AIM2: variants seen among roughly 807,000 people sequenced by gnomAD.
AIM2 encodes the protein absent in melanoma 2.
Under a neutral mutation model 27.7 loss-of-function variants are expected in AIM2, and 30 were observed. The observed-to-expected ratio is 1.08, with a 90% CI of 0.81 to 1.47. The LOEUF is 1.47. Among genes scored for constraint, AIM2 ranks in the 40% most tolerant of loss-of-function variants. The pLI is 0.00. For missense variants in AIM2, 358 were observed against 411.3 expected (o/e 0.87, Z 1.12); for synonymous variants, 141 against 145.3 (o/e 0.97, Z 0.21).
At chr1:159,119,077 A>T (rs1481598899) in intron 1 of AIM2, among the ~76,000 whole-genome samples, 1 of 152,068 alleles carries the variant, frequency 6.6e-6, no homozygotes, top group African/African-American at 2.4e-5. Context: ...GCTCCTTGGG[A>T]TCCGCTCCTC....
chr1:159,092,378 A>G (rs1400346020), intron 1 of AIM2, among the ~76,000 whole-genome samples: 3 of 152,234 alleles, frequency 2.0e-5, no homozygotes, highest in Admixed American at 1.3e-4. Flanking sequence ...AGCCCTAACT[A>G]TGAATAAGTT....
At position 159,068,572 on chromosome 1, in the gene AIM2, A is replaced by C. The variant is rs1226494964; in HGVS notation, c.392T>G (p.Val131Gly). The C allele has an allele frequency of 9.9e-6, 16 of 1,611,570 alleles. 1 individual carries two copies. The South Asian group carries it at 1.7e-4, about 17-fold the overall frequency. The change falls in exon 3 of 6, where the codon GTT becomes GGT. Residue 131 changes from valine (V) to glycine (G), a missense_variant. Coordinates refer to ENST00000368130, the MANE Select transcript of AIM2 (RefSeq NM_004833.3). ...QRAAPKVSPH[V>G]KPEQKQMVAQ... Reference sequence around the variant, plus strand: ...ACTCCACTCTCCTTATCCTACCTTAACATGAGGAGAGACTTTTGGTGCAGC... The same window carrying C: ...ACTCCACTCTCCTTATCCTACCTTACCATGAGGAGAGACTTTTGGTGCAGC...
At chr1:159,108,917 T>C (rs1276111230) in intron 1 of AIM2, among the ~76,000 whole-genome samples, 1 of 152,046 alleles carries the variant, frequency 6.6e-6, no homozygotes, top group Non-Finnish European at 1.5e-5. Context: ...TGGAAACACA[T>C]CCCATGCTCA....
downstream of AIM2, among the ~76,000 whole-genome samples, chr1:159,060,565 T>G (rs116780643): frequency 2.4e-3 from 364 of 152,326 alleles, no homozygotes; most frequent in African/African-American, 8.0e-3. Flanking sequence ...CCGGCCTTCC[T>G]CTCAACTCCA....
chr1:159,078,149 G>A (rs943295459), upstream of AIM2, among the ~76,000 whole-genome samples: 4 of 152,120 alleles, frequency 2.6e-5, no homozygotes, highest in African/African-American at 9.7e-5. Flanking sequence ...TGACCAGCAT[G>A]TTCTCTACCT....
intron 1 of AIM2, among the ~76,000 whole-genome samples, chr1:159,109,447 A>C (rs1444613244): frequency 6.6e-6 from 1 of 152,262 alleles, no homozygotes; most frequent in Non-Finnish European, 1.5e-5. Flanking sequence ...ACCTGAAACT[A>C]TAAAAATTCT....
chr1:159,065,203 G>C (rs1479688182), intron 4 of AIM2, among the ~76,000 whole-genome samples: 5 of 152,142 alleles, frequency 3.3e-5, no homozygotes, highest in Non-Finnish European at 5.9e-5. Flanking sequence ...CACAAGGCTA[G>C]TTCCCTGAGG....
chr1:159,074,616 AAAT>A (rs1424466665), intron 1 of AIM2, among the ~76,000 whole-genome samples: 1 of 152,172 alleles, frequency 6.6e-6, no homozygotes, highest in Non-Finnish European at 1.5e-5. Flanking sequence ...AAAACATTAT[AAAT>A]AATAATTCAA....
chr1:159,073,869 T>G (rs1266475893), intron 1 of AIM2, among the ~76,000 whole-genome samples: 1 of 152,086 alleles, frequency 6.6e-6, no homozygotes, highest in Non-Finnish European at 1.5e-5. Flanking sequence ...CAAAACCCCA[T>G]CTCTACTAAA....
At chr1:159,062,229 T>A (rs983396203), downstream of AIM2, among the ~76,000 whole-genome samples, 7 of 152,212 alleles carry the variant, frequency 4.6e-5, no homozygotes, top group South Asian at 4.1e-4. Context: ...TTTAAAATAT[T>A]TCTAAATCAT....
At chr1:159,061,689 G>A (rs1037122532), downstream of AIM2, among the ~76,000 whole-genome samples, 1 of 151,090 alleles carries the variant, frequency 6.6e-6, no homozygotes, top group African/African-American at 2.4e-5. Context: ...ACAGGTGTGA[G>A]CCACCGTGCC....
chr1:159,141,660 C>T (rs896449307), upstream of AIM2, among the ~76,000 whole-genome samples: 1 of 152,082 alleles, frequency 6.6e-6, no homozygotes, highest in Non-Finnish European at 1.5e-5. Context: ...AAGTCCAGCG[C>T]GCTCGTCCAT....
chr1:159,127,548 G>A (rs1052504473), intron 1 of AIM2, among the ~76,000 whole-genome samples: 2 of 152,238 alleles, frequency 1.3e-5, no homozygotes, highest in Non-Finnish European at 2.9e-5. Flanking sequence ...ACTTTGGGAA[G>A]CAAGAAAGAA....
intron 1 of AIM2, among the ~76,000 whole-genome samples, chr1:159,121,917 C>T (rs1471473376): frequency 6.6e-6 from 1 of 152,108 alleles, no homozygotes; most frequent in Non-Finnish European, 1.5e-5. Context: ...CTTGGTTATT[C>T]CCATGCAGTC....
chr1:159,065,537 C>T (rs1656045165), intron 4 of AIM2, among the ~76,000 whole-genome samples: 1 of 152,178 alleles, frequency 6.6e-6, no homozygotes, highest in Non-Finnish European at 1.5e-5. Context: ...TATTACTCAA[C>T]TACACTTACT....
intron 1 of AIM2, among the ~76,000 whole-genome samples, chr1:159,128,005 T>A (rs1647767406): frequency 6.6e-6 from 1 of 152,172 alleles, no homozygotes; most frequent in Admixed American, 6.6e-5. Context: ...AACAAACTCA[T>A]TACAAACTGC....
chr1:159,113,369 A>T (rs960230088), intron 1 of AIM2, among the ~76,000 whole-genome samples: 4 of 152,166 alleles, frequency 2.6e-5, no homozygotes, highest in African/African-American at 9.7e-5. Context: ...CTGAATATAA[A>T]TTTGTCAATT....
intron 1 of AIM2, among the ~76,000 whole-genome samples, chr1:159,122,945 T>A (rs960913329): frequency 1.3e-5 from 2 of 152,188 alleles, no homozygotes; most frequent in East Asian, 3.8e-4. Flanking sequence ...TGCATCTTAA[T>A]GTTCCTAAAT....
At chr1:159,064,434 G>A (rs188777073) in intron 4 of AIM2, among the ~76,000 whole-genome samples, 91 of 152,324 alleles carry the variant, frequency 6.0e-4, no homozygotes, top group African/African-American at 2.0e-3. Context: ...AGGGAAAAAA[G>A]AAGACCCTGG....
Sources: gnomAD v4.1 joint callset for allele counts (sites outside exome capture counted in the v4.1 genomes callset) on GRCh38, gnomAD v4.1.1 for gene constraint, MANE v1.5 for transcripts, NCBI Gene and HGNC (gene_info 2026-07-23, HGNC 2026-07-21) for gene names.